Variants in UXS1 observed in about 807,000 individuals in gnomAD.
UXS1 encodes the protein UDP-glucuronate decarboxylase 1.
UXS1 carries 33 observed loss-of-function variants against 62.6 expected under a neutral mutation model. That is an observed-to-expected ratio of 0.53 (90% CI 0.40 to 0.70). UXS1 has a LOEUF of 0.70. UXS1 is among the 30% of genes least tolerant of loss of function. The probability of loss-of-function intolerance (pLI) is 0.00; values close to 1 mark genes in which losing one functional copy is unlikely to be tolerated. For missense variants in UXS1, 434 were observed against 556.3 expected (o/e 0.78, Z 2.21); for synonymous variants, 213 against 206.8 (o/e 1.03, Z -0.26).
chr2:106,118,378 G>T (rs772845192), intron 9 of UXS1, among the ~76,000 whole-genome samples: 1 of 152,150 alleles, frequency 6.6e-6, no homozygotes. Flanking sequence ...GCCATTTGCT[G>T]GTTTTATGAA....
chr2:106,178,556 G>T (rs564662216), intron 1 of UXS1, among the ~76,000 whole-genome samples: 95 of 151,320 alleles, frequency 6.3e-4, no homozygotes, highest in Non-Finnish European at 1.1e-3. Context: ...ATATACAAGT[G>T]GGTGTGTGTG....
At chr2:106,150,708 G>A (rs1681936802) in intron 5 of UXS1, among the ~76,000 whole-genome samples, 1 of 152,212 alleles carries the variant, frequency 6.6e-6, no homozygotes, top group Admixed American at 6.5e-5. Flanking sequence ...GTGGGAGGTG[G>A]CGGGGGGTAG....
chr2:106,163,222 A>C (rs1167648391), intron 4 of UXS1, among the ~76,000 whole-genome samples: 1 of 152,230 alleles, frequency 6.6e-6, no homozygotes, highest in Non-Finnish European at 1.5e-5. Context: ...CTTCACCTGG[A>C]CTAAATTCTG....
At chr2:106,142,340 A>T (rs557737969) in intron 6 of UXS1, among the ~76,000 whole-genome samples, 5 of 152,246 alleles carry the variant, frequency 3.3e-5, no homozygotes, top group Admixed American at 1.3e-4. Flanking sequence ...TTCTTTATCA[A>T]ATATATAAAC....
chr2:106,177,494 C>A (rs894900987), intron 1 of UXS1, among the ~76,000 whole-genome samples: 1 of 152,108 alleles, frequency 6.6e-6, no homozygotes, highest in Non-Finnish European at 1.5e-5. Flanking sequence ...CCAAGCCCGG[C>A]CTAGCTACAT....
rs544940712 is a variant in UXS1, at chr2:106,172,066, T to G, written c.95-5983A>C. Among the ~76,000 whole-genome samples, 3 of 152,334 alleles carry G rather than the reference T, an allele frequency of 2.0e-5. 1 individual carries two copies. The highest frequency in any genetic ancestry group is 2.0e-4 in the Admixed American group (3 of 15,296). On this transcript the variant is annotated intron_variant, in intron 1 of 14. Coordinates refer to ENST00000283148, the MANE Select transcript of UXS1 (RefSeq NM_001253875.2). ...TCCATCCCCCATTCATTCAACAAAC[T>G]CAGCGCTTGCGGATGCACAAGTTAA...
intron 13 of UXS1, among the ~76,000 whole-genome samples, chr2:106,098,018 C>A (rs1172198207): frequency 6.6e-6 from 1 of 152,258 alleles, no homozygotes; most frequent in Non-Finnish European, 1.5e-5. Context: ...CAAGCGGGGT[C>A]TGAATGGTCA....
rs1009741308 is a variant in UXS1 at position 106,104,933 on chromosome 2, C to T, written c.880-96G>A. 4.1e-6 allele frequency: 6 copies of T among 1,473,046 alleles called. No individual in the cohort carries two copies. In the African/African-American group the frequency reaches 8.3e-5, roughly 20 times the overall value. The allele number at this position is 1,473,046 out of a possible 1,614,324, so 91.2% of individuals were successfully genotyped here. A position where few individuals can be genotyped will look rare whatever the true frequency, so the allele number is the denominator to read the frequency against. ...CAGGGGACACAGTCCGACCTTGAAA[C>T]TGATCCCAGGGGGCAGTGATGCTGA... On this transcript the variant is annotated intron_variant, in intron 10 of 14. Transcript: ENST00000283148.
intron 8 of UXS1, 70 bp from the exon 9 acceptor site, chr2:106,123,161 A>G (rs1679657419): frequency 6.3e-7 from 1 of 1,594,646 alleles, no homozygotes; most frequent in Non-Finnish European, 8.6e-7. Flanking sequence ...ATGCATATTT[A>G]TGATGCAAAA....
At chr2:106,183,272 C>A (rs930245305) in intron 1 of UXS1, 2 of 151,156 alleles carry the variant, frequency 1.3e-5, no homozygotes, top group African/African-American at 4.9e-5. Context: ...CAAGGTCACC[C>A]CCAGTATATA....
chr2:106,122,467 A>G (rs1379838950), intron 9 of UXS1, among the ~76,000 whole-genome samples: 2 of 152,336 alleles, frequency 1.3e-5, no homozygotes, highest in East Asian at 3.9e-4. Flanking sequence ...TCTGTGAGCA[A>G]TTTCTGCTAT....
chr2:106,168,789 A>G (rs570472837), intron 1 of UXS1, among the ~76,000 whole-genome samples: 2 of 152,284 alleles, frequency 1.3e-5, no homozygotes, highest in South Asian at 4.1e-4. Flanking sequence ...AAGCCATTAA[A>G]TATGACCACG....
intron 6 of UXS1, 25 bp from the exon 7 acceptor site, chr2:106,129,803 A>G (rs756513143): frequency 1.3e-6 from 2 of 1,527,994 alleles, no homozygotes; most frequent in Admixed American, 2.0e-5. Context: ...ACAGAAGCCT[A>G]TTACTTCAAA....
intron 5 of UXS1, among the ~76,000 whole-genome samples, chr2:106,152,826 GC>G (rs1466048134): frequency 6.6e-6 from 1 of 151,896 alleles, no homozygotes; most frequent in Non-Finnish European, 1.5e-5. Context: ...AGTCACGGTT[GC>G]CCCAACTTGC....
At position 106,164,778 on chromosome 2, in the gene UXS1, G is replaced by T. The variant is rs770443541; in HGVS notation, c.144C>A (p.Ile48=). 178 of 1,591,500 alleles carry T rather than the reference G, an allele frequency of 1.1e-4. 1 individual carries two copies. The South Asian group carries it at 1.9e-3, about 17-fold the overall frequency. ...VNMSFLLNRS[I]QENGELKIES... ...CAATTTTTAGTTCACCATTTTCCTGGATAGACCTGTTGAGTAGAAAGCTAT... is the reference window on the plus strand; with the variant it reads ...CAATTTTTAGTTCACCATTTTCCTGTATAGACCTGTTGAGTAGAAAGCTAT... The change falls in exon 3 of 15, where the codon ATC becomes ATA. Residue 48 remains isoleucine (I), a synonymous_variant. Transcript: ENST00000283148.
chr2:106,127,546 G>C (rs1280935565), intron 7 of UXS1, among the ~76,000 whole-genome samples: 1 of 152,164 alleles, frequency 6.6e-6, no homozygotes, highest in Non-Finnish European at 1.5e-5. Flanking sequence ...GAAGCCAAGG[G>C]AGCTATCCTG....
chr2:106,113,436 GTTCATT>G (rs1172414429), intron 9 of UXS1, among the ~76,000 whole-genome samples: 2 of 152,084 alleles, frequency 1.3e-5, no homozygotes, highest in African/African-American at 2.4e-5. Flanking sequence ...TCACCTCTAT[GTTCATT>G]TTCAAGTATT....
Position 106,123,194 on chromosome 2 carries a change from T to A in UXS1, c.638-103A>T, listed in dbSNP as rs559926382. The A allele has an allele frequency of 4.6e-6, 7 of 1,530,406 alleles. No individual in the cohort carries two copies. In the African/African-American group the frequency reaches 9.6e-5, roughly 21 times the overall value. 94.8% of individuals were successfully genotyped at this position (1,530,406 alleles called of 1,614,324 possible). A position where few individuals can be genotyped will look rare whatever the true frequency, so the allele number is the denominator to read the frequency against. On this transcript the variant is annotated intron_variant, in intron 8 of 14. Coordinates refer to ENST00000283148, the MANE Select transcript of UXS1 (RefSeq NM_001253875.2). ...AAAGGGAACTTCGGAAAGACCCATT[T>A]AGAGATGGAGAGATGTATTAAAGAG...
chr2:106,123,165 T>C, intron 8 of UXS1, 74 bp from the exon 9 acceptor site: 3 of 1,590,372 alleles, frequency 1.9e-6, no homozygotes, highest in Non-Finnish European at 2.6e-6. Context: ...ATATTTATGA[T>C]GCAAAAGGGA....
Sources: gnomAD v4.1 joint callset for allele counts (sites outside exome capture counted in the v4.1 genomes callset) on GRCh38, gnomAD v4.1.1 for gene constraint, MANE v1.5 for transcripts, NCBI Gene and HGNC (gene_info 2026-07-23, HGNC 2026-07-21) for gene names.